Variants in FN3K observed in about 807,000 individuals in gnomAD.
FN3K encodes fructosamine-3-kinase.
FN3K carries 24 observed loss-of-function variants against 24.8 expected under a neutral mutation model. That is an observed-to-expected ratio of 0.97 (90% CI 0.70 to 1.36). The LOEUF is 1.36. FN3K is among the 40% of genes most tolerant of loss of function. The pLI, the probability that FN3K is intolerant of heterozygous loss-of-function variation, is 0.00. For missense variants in FN3K, 449 were observed against 416.7 expected, an observed-to-expected ratio of 1.08 and a Z score of -0.67; for synonymous variants, 192 against 175.2, an observed-to-expected ratio of 1.10 and a Z score of -0.76.
At chr17:82,739,136 T>C (rs2046925827) in intron 2 of FN3K, among the ~76,000 whole-genome samples, 1 of 151,150 alleles carries the variant, frequency 6.6e-6, no homozygotes, top group African/African-American at 2.4e-5. Context: ...TTAGTAGAGA[T>C]GGGGTTTCAC....
intron 2 of FN3K, among the ~76,000 whole-genome samples, chr17:82,739,515 T>TC (rs2046928895): frequency 1.3e-5 from 2 of 149,742 alleles, no homozygotes; most frequent in Non-Finnish European, 1.5e-5. Context: ...TGGAGTGCAG[T>TC]GGCGCGATCT....
intron 1 of FN3K, among the ~76,000 whole-genome samples, chr17:82,737,444 T>G (rs1214078250): frequency 6.6e-6 from 1 of 151,940 alleles, no homozygotes; most frequent in African/African-American, 2.4e-5. Flanking sequence ...TGCCTCAGCC[T>G]CCCGAGTAGC....
chr17:82,750,634 C>T lies in FN3K; in HGVS notation c.809C>T (p.Ala270Val). 1 of 1,614,102 alleles carries T rather than the reference C, an allele frequency of 6.2e-7. No homozygotes were observed. Residue 270 changes from alanine to valine, a missense_variant, in exon 6 of 6, where the codon GCT (alanine) becomes GTT (valine). Transcript: ENST00000300784. ...GCCTACCACCGGAAGATCCCCAAGG[C>T]TCCGGGCTTCGACCAGCGGCTGCTG... ...FTAYHRKIPKAPGFDQRLLLY... is the reference protein window; with the variant it reads ...FTAYHRKIPKVPGFDQRLLLY...
chr17:82,750,120 G>C (rs1030290102), intron 5 of FN3K, among the ~76,000 whole-genome samples: 4 of 152,124 alleles, frequency 2.6e-5, no homozygotes, highest in African/African-American at 9.7e-5. Flanking sequence ...AAATAAAAGT[G>C]GCCAGAGTTT....
intron 4 of FN3K, among the ~76,000 whole-genome samples, chr17:82,746,093 C>CAAA (rs373867732): frequency 3.4e-4 from 40 of 117,718 alleles, no homozygotes; most frequent in East Asian, 2.2e-3. Context: ...GACTCCGTCT[C>CAAA]AAAAAAAAAA....
At chr17:82,742,394 C>G (rs2046945947) in intron 4 of FN3K, among the ~76,000 whole-genome samples, 1 of 152,190 alleles carries the variant, frequency 6.6e-6, no homozygotes, top group South Asian at 2.1e-4. Context: ...TCCCCATTTC[C>G]CCCTTTCCTG....
intron 1 of FN3K, among the ~76,000 whole-genome samples, chr17:82,737,189 G>C (rs2046907487): frequency 6.6e-6 from 1 of 152,194 alleles, no homozygotes; most frequent in South Asian, 2.1e-4. Context: ...GAAGGAAAGG[G>C]CGTTCTGTTC....
At chr17:82,745,401 A>C (rs1598342719) in intron 4 of FN3K, 1 of 154,940 alleles carries the variant, frequency 6.5e-6, no homozygotes, top group South Asian at 2.0e-4. Context: ...TCAAGGCAGA[A>C]GAATTTGTCT....
intron 4 of FN3K, among the ~76,000 whole-genome samples, chr17:82,743,911 A>G (rs2046954500): frequency 6.6e-6 from 1 of 152,202 alleles, no homozygotes; most frequent in African/African-American, 2.4e-5. Context: ...GGTAGCTTGG[A>G]GGATCACAGC....
In FN3K at chr17:82,739,276, G is replaced by A. The variant is rs1468518481; in HGVS notation, c.293+636G>A. Among the ~76,000 whole-genome samples, 4 of 151,686 alleles carry A rather than the reference G, an allele frequency of 2.6e-5. No individual in the cohort carries two copies. The East Asian group carries it at 7.8e-4, about 30-fold the overall frequency. On this transcript the variant is annotated intron_variant, in intron 2 of 5. Coordinates refer to ENST00000300784, the MANE Select transcript of FN3K (RefSeq NM_022158.4). ...ATAAGTATATTTGAACCCATCATTT[G>A]CTTTGTACTTTATTTTTATTTTATT...
chr17:82,737,393 G>C (rs1438612849), intron 1 of FN3K, among the ~76,000 whole-genome samples: 1 of 151,772 alleles, frequency 6.6e-6, no homozygotes, highest in Non-Finnish European at 1.5e-5. Context: ...GCTGGATCTC[G>C]GCTCACTGCA....
intron 5 of FN3K, among the ~76,000 whole-genome samples, chr17:82,750,119 T>C (rs2046994223): frequency 6.6e-6 from 1 of 152,076 alleles, no homozygotes; most frequent in Non-Finnish European, 1.5e-5. Context: ...GAAATAAAAG[T>C]GGCCAGAGTT....
chr17:82,740,758 C>G lies in FN3K; in HGVS notation c.294-5C>G, dbSNP rs776513213. 6.2e-7 allele frequency: 1 copy of G among 1,607,344 alleles called. No homozygotes were observed. The highest frequency in any genetic ancestry group is 2.2e-5 in the East Asian group (1 of 44,814). On this transcript the variant is annotated splice_region_variant and splice_polypyrimidine_tract_variant and intron_variant, in intron 2 of 5. Transcript: ENST00000300784. The stretch of plus-strand genomic sequence containing the variant: ...TTTAATTAGCTGCATTTCTTCTTTC[C>G]TCAGTCAAGCATCAAAACTTGGAGA...
chr17:82,742,679 AAAG>A (rs1267293705), intron 4 of FN3K: 1 of 456,128 alleles, frequency 2.2e-6, no homozygotes, highest in Non-Finnish European at 4.4e-6. Flanking sequence ...GTGAAGTTCC[AAAG>A]AAGACTTTGG....
intron 2 of FN3K, among the ~76,000 whole-genome samples, chr17:82,738,925 C>CATAT (rs201805110): frequency 2.9e-5 from 3 of 104,118 alleles, no homozygotes; most frequent in African/African-American, 8.3e-5. Context: ...TATATATACA[C>CATAT]ATATATATAT....
chr17:82,744,884 G>A (rs1261052050), intron 4 of FN3K, among the ~76,000 whole-genome samples: 1 of 152,234 alleles, frequency 6.6e-6, no homozygotes, highest in Non-Finnish European at 1.5e-5. Context: ...TTACAAAGCA[G>A]TATTGCTGCC....
At position 82,750,888 on chromosome 17, in the gene FN3K, CCGTCCCCCCATCCTCCT is replaced by C; in HGVS notation, c.*134_*150del. ...TCCCCGTCCCTCCGTCTCCATCCCC[CCGTCCCCCCATCCTCCT>C]GTCCCCGTCCCCCCGTCCCCGTCCC... On this transcript the variant is annotated 3_prime_UTR_variant, in exon 6 of 6. Coordinates refer to ENST00000300784, the MANE Select transcript of FN3K (RefSeq NM_022158.4). The C allele has an allele frequency of 1.8e-6, 1 of 566,076 alleles. No individual in the cohort carries two copies. Among genetic ancestry groups the C allele is most frequent in the Non-Finnish European group, 3.0e-6 (1 of 333,180 alleles). 35.1% of individuals were successfully genotyped at this position (566,076 alleles called of 1,614,324 possible). A position where few individuals can be genotyped will look rare whatever the true frequency, so the allele number is the denominator to read the frequency against.
In FN3K at chr17:82,735,728, A is replaced by G. The variant is rs2046896261; in HGVS notation, c.92A>G (p.Tyr31Cys). ...GGCTGCATCAGCGAGGGCCGAGCCT[A>G]CGACACGGACGCAGGCCCAGTGTTC... ...GAGCISEGRA[Y>C]DTDAGPVFVK... Residue 31 changes from tyrosine to cysteine, a missense_variant, in exon 1 of 6, where the codon TAC becomes TGC. Transcript: ENST00000300784. 3 of 1,558,084 alleles carry G rather than the reference A, an allele frequency of 1.9e-6. No individual in the cohort carries two copies. Among genetic ancestry groups the G allele is most frequent in the Admixed American group, 1.9e-5 (1 of 51,528 alleles).
intron 5 of FN3K, 100 bp downstream of exon 5, chr17:82,749,077 A>C: frequency 6.5e-7 from 1 of 1,548,202 alleles, no homozygotes. Context: ...AGCAGGGAAC[A>C]CTGAGTCCTG....
Sources: allele counts gnomAD v4.1 joint callset (sites outside exome capture counted in the v4.1 genomes callset), GRCh38; gene constraint gnomAD v4.1.1; transcripts MANE v1.5; gene names NCBI Gene and HGNC (gene_info 2026-07-23, HGNC 2026-07-21).